KCNIP4: variants seen among roughly 807,000 people sequenced by gnomAD.
The protein encoded by KCNIP4 is Kv channel-interacting protein 4.
KCNIP4 carries 12 observed loss-of-function variants against 34.0 expected under a neutral mutation model. The observed-to-expected ratio is 0.35, with a 90% CI of 0.23 to 0.57. The LOEUF is 0.57. KCNIP4 is among the 20% of genes least tolerant of loss of function. The probability of loss-of-function intolerance (pLI) is 0.83; values close to 1 mark genes in which losing one functional copy is unlikely to be tolerated. For synonymous variants in KCNIP4, 124 were observed against 102.2 expected (o/e 1.21, Z -1.29); for missense variants, 238 against 311.7 (o/e 0.76, Z 1.78).
At chr4:21,294,462 T>C (rs1763723836) in intron 1 of KCNIP4, among the ~76,000 whole-genome samples, 1 of 152,184 alleles carries the variant, frequency 6.6e-6, no homozygotes, top group Admixed American at 6.5e-5. Context: ...CCCATTTTCC[T>C]GGGCATAATC....
chr4:21,458,368 C>T (rs1422941300), intron 1 of KCNIP4, among the ~76,000 whole-genome samples: 1 of 151,660 alleles, frequency 6.6e-6, no homozygotes, highest in Non-Finnish European at 1.5e-5. Context: ...GTATATGTGC[C>T]ACATTTTCTT....
chr4:21,264,612 C>T (rs1247585004), intron 1 of KCNIP4, among the ~76,000 whole-genome samples: 1 of 152,132 alleles, frequency 6.6e-6, no homozygotes, highest in Non-Finnish European at 1.5e-5. Flanking sequence ...GATTAAATGA[C>T]TTAATGTTTA....
chr4:21,822,185 A>G (rs1301091693), intron 1 of KCNIP4, among the ~76,000 whole-genome samples: 1 of 152,214 alleles, frequency 6.6e-6, no homozygotes, highest in Non-Finnish European at 1.5e-5. Context: ...AGGACATAAA[A>G]TAGAACAAAT....
chr4:21,590,227 T>C (rs1465952172), intron 1 of KCNIP4, among the ~76,000 whole-genome samples: 1 of 152,020 alleles, frequency 6.6e-6, no homozygotes, highest in Non-Finnish European at 1.5e-5. Flanking sequence ...TGGAAAGGGA[T>C]GAAACCTATT....
intron 1 of KCNIP4, among the ~76,000 whole-genome samples, chr4:21,911,713 C>T (rs1728344983): frequency 6.6e-6 from 1 of 151,228 alleles, no homozygotes; most frequent in South Asian, 2.1e-4. Flanking sequence ...TCAGCAATAG[C>T]AGGGTCCTTT....
intron 1 of KCNIP4, among the ~76,000 whole-genome samples, chr4:21,280,391 C>G (rs1212412845): frequency 3.3e-5 from 5 of 152,078 alleles, no homozygotes; most frequent in Non-Finnish European, 5.9e-5. Context: ...ATGTCAGAAA[C>G]AGACACATAG....
chr4:21,094,814 C>T (rs1747323412), intron 1 of KCNIP4, among the ~76,000 whole-genome samples: 1 of 152,124 alleles, frequency 6.6e-6, no homozygotes, highest in South Asian at 2.1e-4. Flanking sequence ...ATTCTGAGAA[C>T]TGAAGCCTAC....
At chr4:21,062,529 C>CGT (rs765111393) in intron 1 of KCNIP4, among the ~76,000 whole-genome samples, 4 of 124,054 alleles carry the variant, frequency 3.2e-5, no homozygotes, top group African/African-American at 1.2e-4. Context: ...TGTGTGTGTG[C>CGT]ATGTGTGTGT....
intron 1 of KCNIP4, among the ~76,000 whole-genome samples, chr4:21,526,779 T>G (rs1207496848): frequency 6.6e-6 from 1 of 152,126 alleles, no homozygotes; most frequent in Non-Finnish European, 1.5e-5. Context: ...TTAACAATTT[T>G]TAAGGAAATA....
intron 1 of KCNIP4, among the ~76,000 whole-genome samples, chr4:21,457,995 A>G (rs573388938): frequency 6.7e-6 from 1 of 148,860 alleles, no homozygotes; most frequent in African/African-American, 2.4e-5. Context: ...TGACATGGTA[A>G]CACTTTTTTT....
chr4:21,471,908 G>T (rs550169820), intron 1 of KCNIP4, among the ~76,000 whole-genome samples: 1 of 152,006 alleles, frequency 6.6e-6, no homozygotes, highest in Admixed American at 6.6e-5. Flanking sequence ...CCATTTAATC[G>T]ATTTCTAAAT....
At chr4:21,344,676 T>C (rs1717115887) in intron 1 of KCNIP4, among the ~76,000 whole-genome samples, 1 of 152,156 alleles carries the variant, frequency 6.6e-6, no homozygotes, top group African/African-American at 2.4e-5. Context: ...GTTATCTTAT[T>C]AAAGCATCAC....
chr4:21,034,061 G>T (rs1407938279), intron 1 of KCNIP4, among the ~76,000 whole-genome samples: 1 of 151,984 alleles, frequency 6.6e-6, no homozygotes, highest in African/African-American at 2.4e-5. Context: ...TTAAATATTT[G>T]CAAAAAGGGC....
intron 1 of KCNIP4, among the ~76,000 whole-genome samples, chr4:21,503,846 G>A (rs2109897575): frequency 6.6e-6 from 1 of 152,342 alleles, no homozygotes; most frequent in East Asian, 1.9e-4. Flanking sequence ...CAGTGTCTTA[G>A]TGTTGGTGTT....
intron 3 of KCNIP4, among the ~76,000 whole-genome samples, chr4:20,844,965 A>G (rs1720187765): frequency 1.3e-5 from 2 of 152,138 alleles, no homozygotes; most frequent in South Asian, 4.1e-4. Flanking sequence ...TAAGCCAAAC[A>G]TGGAGGGTGG....
chr4:21,750,482 G>C (rs929711627), intron 1 of KCNIP4, among the ~76,000 whole-genome samples: 2 of 152,038 alleles, frequency 1.3e-5, no homozygotes, highest in African/African-American at 2.4e-5. Context: ...CTGATGCTAG[G>C]TTGGGAATGA....
rs563152534 is a variant in KCNIP4 at position 21,134,663 on chromosome 4, C to A, written c.62-251954G>T. Among the ~76,000 whole-genome samples the A allele has an allele frequency of 8.4e-4, 128 of 152,180 alleles. 1 individual carries two copies. Among genetic ancestry groups the A allele is most frequent in the African/African-American group, 2.9e-3 (120 of 41,518 alleles). Reference sequence around the variant, plus strand: ...CTTGGCTTCTTCTCATAGATTTTTCCTTCTCTGCTCTTCCCCAAGATTCCT... The same window carrying A: ...CTTGGCTTCTTCTCATAGATTTTTCATTCTCTGCTCTTCCCCAAGATTCCT... On this transcript the variant is annotated intron_variant, in intron 1 of 8. Transcript: ENST00000382152.
At chr4:21,820,283 GTGTATATATATATATATATATATA>G (rs1327456486) in intron 1 of KCNIP4, among the ~76,000 whole-genome samples, 12 of 127,508 alleles carry the variant, frequency 9.4e-5, no homozygotes, top group East Asian at 2.4e-4. Context: ...ATGTGTGTGT[GTGTATATATATATATATATATATA>G]TATATATATA....
At chr4:21,647,240 C>T (rs1330321665) in intron 1 of KCNIP4, among the ~76,000 whole-genome samples, 2 of 152,060 alleles carry the variant, frequency 1.3e-5, no homozygotes, top group Admixed American at 1.3e-4. Flanking sequence ...AGTACATGCA[C>T]ATATACACAT....
Sources: gnomAD v4.1 joint callset for allele counts (sites outside exome capture counted in the v4.1 genomes callset) on GRCh38, gnomAD v4.1.1 for gene constraint, MANE v1.5 for transcripts, NCBI Gene and HGNC (gene_info 2026-07-23, HGNC 2026-07-21) for gene names.